Variants in SOX6 observed in about 807,000 individuals in gnomAD.
SOX6 encodes SRY-box transcription factor 6.
SOX6 carries 11 observed loss-of-function variants against 97.8 expected under a neutral mutation model. The ratio of observed to expected loss-of-function variants is 0.11; its 90% CI spans 0.07 to 0.19. SOX6 has a LOEUF of 0.19. Ranked by LOEUF, SOX6 falls within the 10% of genes least tolerant of loss-of-function variation. SOX6 has a pLI of 1.00. For missense variants in SOX6, 810 were observed against 1,039.5 expected, an observed-to-expected ratio of 0.78 and a Z score of 3.04; for synonymous variants, 360 against 371.4, an observed-to-expected ratio of 0.97 and a Z score of 0.35.
chr11:16,539,054 A>T (rs987342131), intron 4 of SOX6, among the ~76,000 whole-genome samples: 4 of 152,226 alleles, frequency 2.6e-5, no homozygotes, highest in Admixed American at 2.6e-4. Context: ...CTTATCCTAA[A>T]ATTGACTACT....
chr11:16,637,793 T>G (rs1209603141), intron 3 of SOX6, among the ~76,000 whole-genome samples: 1 of 152,112 alleles, frequency 6.6e-6, no homozygotes, highest in Admixed American at 6.5e-5. Flanking sequence ...TTGGTCACCA[T>G]CATTCCAGCA....
At chr11:16,273,294 AAC>A (rs1446203665) in intron 3 of SOX6, among the ~76,000 whole-genome samples, 2 of 152,048 alleles carry the variant, frequency 1.3e-5, no homozygotes, top group Non-Finnish European at 2.9e-5. Flanking sequence ...AAGCAAACTG[AAC>A]AAGTTTTGTT....
At chr11:16,474,769 G>T (rs1432802800) in intron 1 of SOX6, among the ~76,000 whole-genome samples, 1 of 152,164 alleles carries the variant, frequency 6.6e-6, no homozygotes, top group African/African-American at 2.4e-5. Context: ...TTCACCAGCA[G>T]CATTAGCCTC....
At chr11:16,509,190 T>G (rs1306007978) in intron 4 of SOX6, among the ~76,000 whole-genome samples, 2 of 151,868 alleles carry the variant, frequency 1.3e-5, no homozygotes, top group Admixed American at 6.6e-5. Flanking sequence ...TTTAATTGAA[T>G]TTATATATTT....
At chr11:16,162,005 T>C (rs1396916225) in intron 6 of SOX6, among the ~76,000 whole-genome samples, 2 of 152,224 alleles carry the variant, frequency 1.3e-5, no homozygotes, top group Non-Finnish European at 2.9e-5. Flanking sequence ...TTCTGTGCAA[T>C]TATATATAAT....
intron 6 of SOX6, among the ~76,000 whole-genome samples, chr11:16,170,789 C>T (rs1238054930): frequency 3.3e-5 from 5 of 151,984 alleles, no homozygotes; most frequent in Non-Finnish European, 7.4e-5. Context: ...TTTGTGCATT[C>T]TCATTTCCAA....
intron 3 of SOX6, among the ~76,000 whole-genome samples, chr11:16,663,570 AC>A (rs1485342303): frequency 6.6e-6 from 1 of 152,080 alleles, no homozygotes; most frequent in Admixed American, 6.6e-5. Flanking sequence ...AAATCCACCC[AC>A]CTCAGCCCTG....
intron 4 of SOX6, among the ~76,000 whole-genome samples, chr11:16,201,805 T>TTTG: frequency 1.4e-5 from 2 of 144,730 alleles, no homozygotes; most frequent in Non-Finnish European, 3.0e-5. Context: ...GGCTAATTTT[T>TTTG]TGTATTTTTA....
At chr11:16,306,530 A>G (rs914586051) in intron 3 of SOX6, among the ~76,000 whole-genome samples, 1 of 152,096 alleles carries the variant, frequency 6.6e-6, no homozygotes, top group Admixed American at 6.6e-5. Context: ...AGTATGTTGG[A>G]CTAAATAACT....
rs1331198846 is a variant in SOX6, at chr11:16,605,148, C to G, written n.609+6933G>C. ...TGGGCCGAGCCCGGGAGCAGCGGAC[C>G]GCGGCCCCGGCTGCAGAGGAACGGC... On this transcript the variant is annotated intron_variant and non_coding_transcript_variant, in intron 4 of 5. Transcript: ENST00000524520. This position sits in a 1 kb window ranked among gnomAD's most constrained non-coding sequence, Gnocchi z 5.3. Among the ~76,000 whole-genome samples the G allele has an allele frequency of 6.6e-6, 1 of 151,942 alleles. No homozygotes were observed. Among genetic ancestry groups the G allele is most frequent in the Non-Finnish European group, 1.5e-5 (1 of 67,958 alleles).
intron 3 of SOX6, among the ~76,000 whole-genome samples, chr11:16,701,201 T>C (rs920035324): frequency 2.0e-5 from 3 of 152,244 alleles, no homozygotes; most frequent in African/African-American, 7.2e-5. Flanking sequence ...CTTTATAGTG[T>C]AGACATAAAA....
intron 10 of SOX6, among the ~76,000 whole-genome samples, chr11:16,051,757 T>C (rs1480020589): frequency 6.6e-6 from 1 of 152,174 alleles, no homozygotes; most frequent in African/African-American, 2.4e-5. Context: ...TTTAAAGTTT[T>C]GATCAAATTT....
intron 4 of SOX6, among the ~76,000 whole-genome samples, chr11:16,529,615 G>A (rs1284281393): frequency 2.6e-5 from 4 of 152,004 alleles, no homozygotes; most frequent in Non-Finnish European, 5.9e-5. Context: ...AAATAAATAA[G>A]CTATATTTAC....
intron 9 of SOX6, among the ~76,000 whole-genome samples, chr11:16,090,965 T>G (rs1848672054): frequency 6.6e-6 from 1 of 152,176 alleles, no homozygotes; most frequent in East Asian, 1.9e-4. Flanking sequence ...ATAAGAACCC[T>G]GAGAATGTAT....
chr11:16,643,877 C>G (rs2134007166), intron 3 of SOX6, among the ~76,000 whole-genome samples: 1 of 152,344 alleles, frequency 6.6e-6, no homozygotes, highest in African/African-American at 2.4e-5. Flanking sequence ...CAATGCCTTG[C>G]CCTGCTTCAG....
At chr11:16,058,646 T>C (rs1175530372) in intron 9 of SOX6, among the ~76,000 whole-genome samples, 2 of 151,990 alleles carry the variant, frequency 1.3e-5, no homozygotes, top group Non-Finnish European at 2.9e-5. Flanking sequence ...CCTTGATTTG[T>C]GTATAGACTT....
At chr11:16,021,614 T>C (rs1855061242) in intron 12 of SOX6, among the ~76,000 whole-genome samples, 2 of 152,146 alleles carry the variant, frequency 1.3e-5, no homozygotes, top group African/African-American at 4.8e-5. Context: ...CATGATAATA[T>C]AGACTTTGGC....
chr11:16,320,400 T>C (rs962800442), intron 2 of SOX6, among the ~76,000 whole-genome samples: 4 of 152,122 alleles, frequency 2.6e-5, no homozygotes, highest in Non-Finnish European at 4.4e-5. Context: ...TTTCTACATA[T>C]ATTAAATGAC....
chr11:16,401,612 C>T (rs1408791651), intron 1 of SOX6, among the ~76,000 whole-genome samples: 2 of 151,386 alleles, frequency 1.3e-5, no homozygotes, highest in Non-Finnish European at 3.0e-5. Context: ...TTTCCAGTCT[C>T]GCTTTTTAAA....
Sources: allele counts gnomAD v4.1 joint callset (sites outside exome capture counted in the v4.1 genomes callset), GRCh38; gene constraint gnomAD v4.1.1; non-coding constraint Gnocchi (gnomAD v3.1); transcripts MANE v1.5; gene names NCBI Gene and HGNC (gene_info 2026-07-23, HGNC 2026-07-21).